ADCY5: variants seen among roughly 807,000 people sequenced by gnomAD.
ADCY5 encodes adenylate cyclase type 5.
In ADCY5, 30 loss-of-function variants were observed where a neutral mutation model predicts 119.7. The ratio of observed to expected loss-of-function variants is 0.25; its 90% CI spans 0.19 to 0.34. The LOEUF (loss-of-function observed/expected upper bound fraction) is 0.34, where lower values mean the gene tolerates loss of function less well. Among genes scored for constraint, ADCY5 ranks in the 10% least tolerant of loss-of-function variants. The pLI is 1.00. For synonymous variants in ADCY5, 753 were observed against 762.2 expected, an observed-to-expected ratio of 0.99 and a Z score of 0.20; for missense variants, 1,324 against 1,775.2, an observed-to-expected ratio of 0.75 and a Z score of 4.57.
intron 1 of ADCY5, among the ~76,000 whole-genome samples, chr3:123,436,015 C>A (rs1945608295): frequency 6.6e-6 from 1 of 150,972 alleles, no homozygotes. Context: ...CTCAGCCTCC[C>A]AAGTAGCTGG....
chr3:123,331,786 C>G (rs1395280559), intron 4 of ADCY5, among the ~76,000 whole-genome samples: 1 of 152,208 alleles, frequency 6.6e-6, no homozygotes. Flanking sequence ...CAAGCAGGTG[C>G]TATTCACCTC....
chr3:123,336,443 C>T (rs1357975901), intron 3 of ADCY5, among the ~76,000 whole-genome samples: 1 of 152,258 alleles, frequency 6.6e-6, no homozygotes, highest in East Asian at 1.9e-4. Context: ...AAACACAAAG[C>T]TGGCAGGCAG....
intron 1 of ADCY5, among the ~76,000 whole-genome samples, chr3:123,431,797 A>G (rs1383291420): frequency 1.3e-5 from 2 of 152,064 alleles, no homozygotes; most frequent in East Asian, 3.9e-4. Context: ...AGTGGCCATC[A>G]CTCCTTACTG....
In ADCY5 at chr3:123,424,428, T is replaced by A. The variant is rs183449679; in HGVS notation, c.1134+22984A>T. 6.7e-3 allele frequency among the ~76,000 whole-genome samples: 1,021 copies of A among 152,242 alleles called. 7 individuals carry two copies. The highest frequency in any genetic ancestry group is 7.9e-3 in the Non-Finnish European group (536 of 68,004). ...GGGGCCTCCCCAGGGGGAAGGCGAGTGCTCTCCTATATCCTAGCAGGGGGT... is the reference window on the plus strand; with the variant it reads ...GGGGCCTCCCCAGGGGGAAGGCGAGAGCTCTCCTATATCCTAGCAGGGGGT... On this transcript the variant is annotated intron_variant, in intron 1 of 20. Coordinates refer to ENST00000462833, the MANE Select transcript of ADCY5 (RefSeq NM_183357.3).
rs1942875223 is a variant in ADCY5, at chr3:123,352,496, G to A, written c.1220C>T (p.Ala407Val). ...HYPAEVSQRQ[A>V]FQETRECIQA... Reference sequence around the variant, plus strand: ...GATGCACTCTCGGGTCTCCTGGAAAGCCTGTCTCTGGGAGACCTCAGCCGG... The same window carrying A: ...GATGCACTCTCGGGTCTCCTGGAAAACCTGTCTCTGGGAGACCTCAGCCGG... The change falls in exon 2 of 21, where the codon GCT becomes GTT. Residue 407 changes from alanine (A) to valine (V), a missense_variant. Coordinates refer to ENST00000462833, the MANE Select transcript of ADCY5 (RefSeq NM_183357.3). This position sits in a 1 kb window ranked among gnomAD's most constrained non-coding sequence, Gnocchi z 4.8. 1.2e-6 allele frequency: 2 copies of A among 1,613,922 alleles called. No individual in the cohort carries two copies. Among genetic ancestry groups the A allele is most frequent in the African/African-American group, 1.3e-5 (1 of 74,916 alleles).
At chr3:123,402,177 G>A (rs1294798096) in intron 1 of ADCY5, among the ~76,000 whole-genome samples, 1 of 152,240 alleles carries the variant, frequency 6.6e-6, no homozygotes, top group African/African-American at 2.4e-5. Flanking sequence ...GAGGCTTAGG[G>A]AGGGTTCCAA....
Position 123,320,730 on chromosome 3 carries a change from G to A in ADCY5, c.2111+19C>T, listed in dbSNP as rs773724921. The A allele has an allele frequency of 2.5e-6, 4 of 1,612,478 alleles. No homozygotes were observed. In the South Asian group the frequency reaches 4.4e-5, roughly 18 times the overall value. ...CCCCAGACCCAGGGAGCAGGAATAA[G>A]GAAGGGCATATTACTCACTTGTCCT... is the stretch of plus-strand genomic sequence containing the variant. On this transcript the variant is annotated intron_variant, in intron 9 of 20. Coordinates refer to ENST00000462833, the MANE Select transcript of ADCY5 (RefSeq NM_183357.3).
At chr3:123,433,106 C>G (rs1451726526) in intron 1 of ADCY5, among the ~76,000 whole-genome samples, 1 of 152,232 alleles carries the variant, frequency 6.6e-6, no homozygotes, top group Non-Finnish European at 1.5e-5. Flanking sequence ...GACACATAAA[C>G]AAACCTAACG....
intron 1 of ADCY5, among the ~76,000 whole-genome samples, chr3:123,421,792 T>C (rs1945308456): frequency 6.6e-6 from 1 of 152,198 alleles, no homozygotes; most frequent in Non-Finnish European, 1.5e-5. Context: ...AAAGGATTTA[T>C]TGATATGTCC....
At chr3:123,427,054 A>G (rs1576690307) in intron 1 of ADCY5, among the ~76,000 whole-genome samples, 1 of 152,118 alleles carries the variant, frequency 6.6e-6, no homozygotes, top group Non-Finnish European at 1.5e-5. Flanking sequence ...TGATTGGGGG[A>G]CATTAGGGAC....
intron 3 of ADCY5, among the ~76,000 whole-genome samples, chr3:123,344,418 C>G (rs1390164973): frequency 6.6e-6 from 1 of 152,124 alleles, no homozygotes; most frequent in Admixed American, 6.5e-5. Flanking sequence ...TCACAATTAC[C>G]GAACACTTGT....
chr3:123,384,223 G>C (rs1279216471), intron 1 of ADCY5, among the ~76,000 whole-genome samples: 2 of 152,218 alleles, frequency 1.3e-5, no homozygotes, highest in Admixed American at 1.3e-4. Flanking sequence ...AAAATAAACA[G>C]CCTTTAGCTC....
At chr3:123,356,400 A>G (rs1316980117) in intron 1 of ADCY5, among the ~76,000 whole-genome samples, 1 of 152,224 alleles carries the variant, frequency 6.6e-6, no homozygotes, top group Non-Finnish European at 1.5e-5. Context: ...ATCATATTTC[A>G]CACCTTTAGT....
At chr3:123,430,057 C>G (rs546819152) in intron 1 of ADCY5, among the ~76,000 whole-genome samples, 5 of 152,304 alleles carry the variant, frequency 3.3e-5, no homozygotes, top group African/African-American at 1.2e-4. Flanking sequence ...GCCCTCAGCA[C>G]AGCCTCCCAC....
chr3:123,400,149 G>C (rs758195474), intron 1 of ADCY5, among the ~76,000 whole-genome samples: 1 of 152,206 alleles, frequency 6.6e-6, no homozygotes, highest in Non-Finnish European at 1.5e-5. Flanking sequence ...CTAGTGAGGA[G>C]AGTTAAGAGG....
chr3:123,429,959 C>T (rs561267453), intron 1 of ADCY5, among the ~76,000 whole-genome samples: 1 of 152,144 alleles, frequency 6.6e-6, no homozygotes, highest in Non-Finnish European at 1.5e-5. Flanking sequence ...GGGGGCAGCT[C>T]GGCCTGGGAA....
intron 1 of ADCY5, among the ~76,000 whole-genome samples, chr3:123,364,696 T>C (rs535687843): frequency 3.3e-5 from 5 of 152,168 alleles, no homozygotes; most frequent in Admixed American, 3.3e-4. Context: ...GATGGCCGCA[T>C]TTACAAAAAT....
At chr3:123,297,665 C>T (rs1377764880) in intron 15 of ADCY5, among the ~76,000 whole-genome samples, 7 of 152,194 alleles carry the variant, frequency 4.6e-5, no homozygotes, top group Admixed American at 1.3e-4. Context: ...GAGGCCTGCC[C>T]GCCTCTCCCC....
At chr3:123,302,226 C>T (rs1939892717) in intron 14 of ADCY5, among the ~76,000 whole-genome samples, 1 of 152,222 alleles carries the variant, frequency 6.6e-6, no homozygotes, top group Admixed American at 6.5e-5. Context: ...CTGCTGACAG[C>T]GAACTGCTTC....
Sources: allele counts gnomAD v4.1 joint callset (sites outside exome capture counted in the v4.1 genomes callset), GRCh38; gene constraint gnomAD v4.1.1; non-coding constraint Gnocchi (gnomAD v3.1); transcripts MANE v1.5; gene names NCBI Gene and HGNC (gene_info 2026-07-23, HGNC 2026-07-21).